Variants in SEMA5A observed in about 807,000 individuals in gnomAD.
SEMA5A encodes semaphorin-5A.
Under a neutral mutation model 135.5 loss-of-function variants are expected in SEMA5A, and 55 were observed. That is an observed-to-expected ratio of 0.41 (90% CI 0.33 to 0.51). SEMA5A has a LOEUF of 0.51. Ranked by LOEUF, SEMA5A falls within the 20% of genes least tolerant of loss-of-function variation. SEMA5A has a pLI of 0.37. For missense variants in SEMA5A, 1,290 were observed against 1,419.9 expected (o/e 0.91, Z 1.47); for synonymous variants, 580 against 546.5 (o/e 1.06, Z -0.85).
chr5:9,137,533 C>G (rs1394135479), intron 12 of SEMA5A, among the ~76,000 whole-genome samples: 1 of 152,098 alleles, frequency 6.6e-6, no homozygotes, highest in Non-Finnish European at 1.5e-5. Context: ...CATGGGCACG[C>G]AGGACATTGA....
intron 3 of SEMA5A, among the ~76,000 whole-genome samples, chr5:9,378,259 C>T (rs1755450260): frequency 6.6e-6 from 1 of 151,942 alleles, no homozygotes; most frequent in Admixed American, 6.6e-5. Context: ...TTTTGCCTTT[C>T]CTGCATAAGG....
At chr5:9,360,429 T>G in intron 3 of SEMA5A, among the ~76,000 whole-genome samples, 1 of 151,876 alleles carries the variant, frequency 6.6e-6, no homozygotes. Context: ...AAAGAGAGAG[T>G]AGATTATGAG....
chr5:9,196,635 C>T (rs1328613981), intron 10 of SEMA5A, among the ~76,000 whole-genome samples: 1 of 152,142 alleles, frequency 6.6e-6, no homozygotes, highest in Admixed American at 6.5e-5. Context: ...ACTCACAAAG[C>T]CCTGGAAGCT....
At chr5:9,341,335 T>C (rs1330478047) in intron 3 of SEMA5A, among the ~76,000 whole-genome samples, 1 of 151,898 alleles carries the variant, frequency 6.6e-6, no homozygotes, top group East Asian at 1.9e-4. Context: ...AATAACAGAT[T>C]TCAGTAGTAG....
intron 2 of SEMA5A, among the ~76,000 whole-genome samples, chr5:9,396,817 C>T (rs62342042): frequency 0.21 from 31,648 of 152,142 alleles, 3,805 homozygotes; most frequent in Middle Eastern, 0.29. Context: ...TATGAGCCTC[C>T]TGTTTACAGA....
chr5:9,452,368 A>G (rs1175761195), intron 1 of SEMA5A, among the ~76,000 whole-genome samples: 1 of 152,196 alleles, frequency 6.6e-6, no homozygotes, highest in East Asian at 1.9e-4. Flanking sequence ...TGGAATTCCA[A>G]AGCTGCCCTA....
rs540540308 is a variant in SEMA5A at position 9,274,942 on chromosome 5, A to G, written c.271-37052T>C. 3.9e-5 allele frequency among the ~76,000 whole-genome samples: 6 copies of G among 152,270 alleles called. No individual in the cohort carries two copies. In the South Asian group the frequency reaches 1.2e-3, roughly 32 times the overall value. Reference sequence around the variant, plus strand: ...TAGAACTAGAGAAGCAAGAGCAAACACATTCAAAAGCCAGCAGAAGGCAAG... The same window carrying G: ...TAGAACTAGAGAAGCAAGAGCAAACGCATTCAAAAGCCAGCAGAAGGCAAG... On this transcript the variant is annotated intron_variant, in intron 5 of 22. Coordinates refer to ENST00000382496, the MANE Select transcript of SEMA5A (RefSeq NM_003966.3).
At chr5:9,161,704 T>C (rs887555317) in intron 11 of SEMA5A, among the ~76,000 whole-genome samples, 7 of 152,232 alleles carry the variant, frequency 4.6e-5, no homozygotes, top group African/African-American at 1.7e-4. Flanking sequence ...TACTCCTGGC[T>C]ACACGCAAAC....
At chr5:9,167,171 C>T (rs565040850) in intron 11 of SEMA5A, among the ~76,000 whole-genome samples, 2 of 152,234 alleles carry the variant, frequency 1.3e-5, no homozygotes. Flanking sequence ...TACATTACAC[C>T]AATTACGACT....
At chr5:9,185,881 G>C (rs1744778216) in intron 11 of SEMA5A, among the ~76,000 whole-genome samples, 1 of 152,208 alleles carries the variant, frequency 6.6e-6, no homozygotes, top group African/African-American at 2.4e-5. Flanking sequence ...AAAAAGCCCA[G>C]AGCGGCAGCC....
chr5:9,263,418 A>G (rs562511933), intron 5 of SEMA5A, among the ~76,000 whole-genome samples: 1 of 152,282 alleles, frequency 6.6e-6, no homozygotes, highest in Non-Finnish European at 1.5e-5. Flanking sequence ...TGAACTGCGC[A>G]CTGCAGTGAG....
At chr5:9,110,624 A>T (rs3777247) in intron 15 of SEMA5A, among the ~76,000 whole-genome samples, 17,672 of 152,198 alleles carry the variant, frequency 0.12, 1,581 homozygotes, top group East Asian at 0.32. Context: ...AAGGCAGAAG[A>T]CACTCTTACT....
intron 4 of SEMA5A, among the ~76,000 whole-genome samples, chr5:9,327,586 G>A (rs1219202177): frequency 6.6e-6 from 1 of 152,116 alleles, no homozygotes; most frequent in Non-Finnish European, 1.5e-5. Flanking sequence ...TATTTAGCAA[G>A]TAGAATGAAA....
chr5:9,323,115 C>T (rs968664937), intron 4 of SEMA5A, among the ~76,000 whole-genome samples: 1 of 151,984 alleles, frequency 6.6e-6, no homozygotes, highest in African/African-American at 2.4e-5. Context: ...CAACTCCCTG[C>T]CCATACCTAA....
At chr5:9,257,209 G>C (rs1223272062) in intron 5 of SEMA5A, among the ~76,000 whole-genome samples, 5 of 152,192 alleles carry the variant, frequency 3.3e-5, no homozygotes, top group African/African-American at 9.7e-5. Context: ...CAATAATCCA[G>C]AGAATGACTC....
intron 11 of SEMA5A, among the ~76,000 whole-genome samples, chr5:9,171,312 G>T (rs1743909820): frequency 6.6e-6 from 1 of 152,150 alleles, no homozygotes; most frequent in Non-Finnish European, 1.5e-5. Context: ...GATGGGGAGG[G>T]CTGTGGACTT....
rs890858469 is a variant in SEMA5A at position 9,042,910 on chromosome 5, T to C, written c.3212A>G (p.Tyr1071Cys). ...ACATGAAAGCTGTTAGTACTCATCA[T>C]AATTATTGAGATCTGTAAAGTAGGC... is the stretch of plus-strand genomic sequence containing the variant. ...SNAYFTDLNN[Y>C]DEY The change falls in exon 23 of 23, where the codon TAT becomes TGT. Residue 1071 changes from tyrosine (Y) to cysteine (C), a missense_variant. Tyr to Cys is a radical substitution (Grantham distance 194). Transcript: ENST00000382496. The C allele has an allele frequency of 2.5e-6, 4 of 1,613,954 alleles. No homozygotes were observed. The highest frequency in any genetic ancestry group is 2.2e-5 in the East Asian group (1 of 44,882).
intron 1 of SEMA5A, among the ~76,000 whole-genome samples, chr5:9,451,658 G>C (rs1208343881): frequency 2.0e-5 from 3 of 152,196 alleles, no homozygotes; most frequent in Non-Finnish European, 2.9e-5. Flanking sequence ...CTTCAGGTTA[G>C]ATTTCTCCTA....
chr5:9,069,393 T>C (rs1052223162), intron 16 of SEMA5A, among the ~76,000 whole-genome samples: 2 of 152,196 alleles, frequency 1.3e-5, no homozygotes, highest in African/African-American at 2.4e-5. Context: ...AACATGGTTC[T>C]TTCTCTTTTT....
Sources: gnomAD v4.1 joint callset for allele counts (sites outside exome capture counted in the v4.1 genomes callset) on GRCh38, gnomAD v4.1.1 for gene constraint, MANE v1.5 for transcripts, NCBI Gene and HGNC (gene_info 2026-07-23, HGNC 2026-07-21) for gene names.